RAB38: variants seen among roughly 807,000 people sequenced by gnomAD.
RAB38 encodes the protein RAB38, member RAS oncogene family.
RAB38 carries 15 observed loss-of-function variants against 18.4 expected under a neutral mutation model. The observed-to-expected ratio is 0.82, with a 90% CI of 0.55 to 1.26. The LOEUF is 1.26. RAB38 is among the 50% of genes most tolerant of loss of function. RAB38 has a pLI of 0.00. For synonymous variants in RAB38, 101 were observed against 104.4 expected (o/e 0.97, Z 0.20); for missense variants, 294 against 267.4 (o/e 1.10, Z -0.69).
At chr11:88,057,637 G>A in the RAB38 span, among the ~76,000 whole-genome samples, 5 of 152,232 alleles carry the variant, frequency 3.3e-5, no homozygotes, top group South Asian at 8.3e-4. Context: ...ATTTCCCTCG[G>A]CAGAGTAGGG....
At chr11:87,973,218 G>A in the RAB38 span, among the ~76,000 whole-genome samples, 1 of 151,996 alleles carries the variant, frequency 6.6e-6, no homozygotes, top group Admixed American at 6.6e-5. Context: ...ACAAGCAAAT[G>A]ATCATTTATA....
intron 1 of RAB38, among the ~76,000 whole-genome samples, chr11:88,162,817 G>A (rs900031199): frequency 6.6e-6 from 1 of 152,040 alleles, no homozygotes; most frequent in African/African-American, 2.4e-5. Context: ...CTGAGGTCAA[G>A]GTTTTGACCC....
the RAB38 span, among the ~76,000 whole-genome samples, chr11:88,068,892 T>C: frequency 6.6e-6 from 1 of 152,242 alleles, no homozygotes; most frequent in Non-Finnish European, 1.5e-5. Flanking sequence ...GGTGACAACA[T>C]GCTGGCGGCC....
intron 1 of RAB38, among the ~76,000 whole-genome samples, chr11:88,157,544 T>C (rs61909945): frequency 0.25 from 37,417 of 152,010 alleles, 4,648 homozygotes; most frequent in Admixed American, 0.27. Context: ...GAATAAACAT[T>C]CTTCTCATTT....
chr11:87,970,380 T>C, the RAB38 span, among the ~76,000 whole-genome samples: 3 of 152,076 alleles, frequency 2.0e-5, no homozygotes, highest in East Asian at 5.8e-4. Flanking sequence ...CATATTATGA[T>C]ATTTTGTTCT....
chr11:88,126,269 C>T (rs1401532488), intron 2 of RAB38, among the ~76,000 whole-genome samples: 2 of 152,154 alleles, frequency 1.3e-5, no homozygotes, highest in East Asian at 1.9e-4. Flanking sequence ...TTTATTGCAG[C>T]ATTGTTCACA....
the RAB38 span, among the ~76,000 whole-genome samples, chr11:88,054,901 C>T: frequency 1.3e-5 from 2 of 152,074 alleles, no homozygotes; most frequent in Non-Finnish European, 2.9e-5. Flanking sequence ...AATTCATTTC[C>T]CTAGAGTCAG....
At chr11:88,121,641 C>T (rs1942630489) in intron 2 of RAB38, among the ~76,000 whole-genome samples, 1 of 152,114 alleles carries the variant, frequency 6.6e-6, no homozygotes, top group Admixed American at 6.5e-5. Context: ...TGGCTCACTG[C>T]AAGCTCCACC....
the RAB38 span, among the ~76,000 whole-genome samples, chr11:88,056,408 AGG>A: frequency 6.6e-6 from 1 of 152,162 alleles, no homozygotes; most frequent in Non-Finnish European, 1.5e-5. Context: ...GGTGTGGAGT[AGG>A]AGTAGGTCAA....
the RAB38 span, among the ~76,000 whole-genome samples, chr11:88,083,650 G>A: frequency 1.2e-4 from 18 of 152,006 alleles, no homozygotes; most frequent in Middle Eastern, 0.014. Context: ...TTTGAGAAGT[G>A]ATTAAGTCAT....
the RAB38 span, among the ~76,000 whole-genome samples, chr11:87,961,415 T>G: frequency 6.6e-6 from 1 of 151,930 alleles, no homozygotes; most frequent in Non-Finnish European, 1.5e-5. Context: ...CATGTGGAGG[T>G]GCCAGAGTAT....
chr11:88,175,116 G>A, intron 1 of RAB38, 67 bp downstream of exon 1: 6 of 1,453,408 alleles, frequency 4.1e-6, no homozygotes, highest in Non-Finnish European at 4.6e-6. Flanking sequence ...GCCGCAAGCC[G>A]CTGCCTCGAG....
chr11:88,061,152 C>A, the RAB38 span, among the ~76,000 whole-genome samples: 2 of 152,154 alleles, frequency 1.3e-5, no homozygotes, highest in African/African-American at 2.4e-5. Flanking sequence ...TATTGACAGA[C>A]TCTTACTGAT....
chr11:88,010,417 G>C, the RAB38 span, among the ~76,000 whole-genome samples: 3 of 152,152 alleles, frequency 2.0e-5, no homozygotes, highest in Non-Finnish European at 2.9e-5. Flanking sequence ...ATAACTGACT[G>C]CCAGGGTGGT....
chr11:87,961,119 C>A, the RAB38 span, among the ~76,000 whole-genome samples: 1 of 152,286 alleles, frequency 6.6e-6, no homozygotes, highest in African/African-American at 2.4e-5. Context: ...TGGCCCCCTT[C>A]TGCCTGCTCC....
At chr11:88,167,026 G>C (rs547973955) in intron 1 of RAB38, 113 of 152,244 alleles carry the variant, frequency 7.4e-4, no homozygotes, top group African/African-American at 2.6e-3. Context: ...GATACACTTT[G>C]GAGGAAAAAG....
Position 88,114,030 on chromosome 11 carries a change from T to C in RAB38, c.594A>G (p.Thr198=). ...IEPDVVKPHL[T]STKVASCSGC... is the part of the protein sequence containing the mutation. ...CAGAGCAGCTGGCAACCTTGGTTGA[T>C]GTGAGATGGGGCTTCACGACGTCCG... is the stretch of plus-strand genomic sequence containing the variant. The change falls in exon 3 of 3, where the codon ACA becomes ACG. Residue 198 remains threonine, a synonymous_variant. Transcript: ENST00000243662. 4 of 1,614,196 alleles carry C rather than the reference T, an allele frequency of 2.5e-6. No individual in the cohort carries two copies. The highest frequency in any genetic ancestry group is 3.4e-6 in the Non-Finnish European group (4 of 1,180,018).
At chr11:88,045,134 C>G in the RAB38 span, among the ~76,000 whole-genome samples, 1 of 152,150 alleles carries the variant, frequency 6.6e-6, no homozygotes, top group East Asian at 1.9e-4. Flanking sequence ...CCCTGAGATG[C>G]TTTACAGCCC....
chr11:87,893,950 A>G, the RAB38 span, among the ~76,000 whole-genome samples: 2 of 151,854 alleles, frequency 1.3e-5, no homozygotes, highest in South Asian at 2.1e-4. Context: ...TTGTGAAAAT[A>G]AAATGCCATT....
Sources: allele counts gnomAD v4.1 joint callset (sites outside exome capture counted in the v4.1 genomes callset), GRCh38; gene constraint gnomAD v4.1.1; transcripts MANE v1.5; gene names NCBI Gene and HGNC (gene_info 2026-07-23, HGNC 2026-07-21).